The following GRM7 variants were observed in gnomAD, a reference collection of about 807,000 sequenced individuals.
The protein encoded by GRM7 is metabotropic glutamate receptor 7.
A neutral mutation model predicts 84.5 loss-of-function variants in GRM7; 35 were observed. The observed-to-expected ratio is 0.41, with a 90% CI of 0.32 to 0.55. The LOEUF (loss-of-function observed/expected upper bound fraction) is 0.55. GRM7 is among the 20% of genes least tolerant of loss of function. The pLI is 0.19. For synonymous variants in GRM7, 487 were observed against 455.1 expected (o/e 1.07, Z -0.89); for missense variants, 1,003 against 1,194.6 (o/e 0.84, Z 2.36).
chr3:6,967,043 TA>T lies in GRM7; in HGVS notation c.519+105137del, dbSNP rs1253504198. Among the ~76,000 whole-genome samples, 3 of 152,180 alleles carry T rather than the reference TA, an allele frequency of 2.0e-5. No homozygotes were observed. The East Asian group carries it at 5.8e-4, about 29-fold the overall frequency. ...TAGCACAGTGACTGCTGAAGTATTT[TA>T]TTGACTTTCAAACTCCTGGCCTCAA... is the stretch of plus-strand genomic sequence containing the variant. On this transcript the variant is annotated intron_variant, in intron 1 of 9. Coordinates refer to ENST00000357716, the MANE Select transcript of GRM7 (RefSeq NM_000844.4).
intron 7 of GRM7, chr3:7,561,394 C>T (rs561700026): frequency 5.6e-6 from 2 of 357,948 alleles, no homozygotes; most frequent in Admixed American, 3.1e-5. Context: ...TTTCTCATGT[C>T]TGTATTTTTA....
At chr3:7,385,867 A>G (rs1232438163) in intron 4 of GRM7, among the ~76,000 whole-genome samples, 1 of 152,214 alleles carries the variant, frequency 6.6e-6, no homozygotes. Context: ...GTATATTCGT[A>G]TCTTGAAAAC....
chr3:6,874,426 A>G (rs564650720), intron 1 of GRM7, among the ~76,000 whole-genome samples: 8 of 152,226 alleles, frequency 5.3e-5, no homozygotes, highest in African/African-American at 1.9e-4. Flanking sequence ...CATCAATACC[A>G]CCACTACCAC....
At chr3:6,958,498 G>C (rs1424340456) in intron 1 of GRM7, among the ~76,000 whole-genome samples, 2 of 152,112 alleles carry the variant, frequency 1.3e-5, no homozygotes, top group East Asian at 3.8e-4. Flanking sequence ...TTGTCTACAA[G>C]TATTTGTGTG....
intron 1 of GRM7, among the ~76,000 whole-genome samples, chr3:7,002,789 C>T (rs1322066973): frequency 6.6e-6 from 1 of 152,104 alleles, no homozygotes; most frequent in African/African-American, 2.4e-5. Context: ...TCTCCACTCC[C>T]ATGTTCATTT....
At chr3:7,462,700 A>T (rs1698300172) in intron 7 of GRM7, among the ~76,000 whole-genome samples, 1 of 152,098 alleles carries the variant, frequency 6.6e-6, no homozygotes, top group South Asian at 2.1e-4. Flanking sequence ...CCGTGAAGCC[A>T]CTACAGGCCA....
At chr3:7,724,051 G>A (rs1360370032) in intron 9 of GRM7, among the ~76,000 whole-genome samples, 1 of 152,096 alleles carries the variant, frequency 6.6e-6, no homozygotes, top group African/African-American at 2.4e-5. Flanking sequence ...CACGTCCACA[G>A]AGAATAGTGA....
Position 7,433,738 on chromosome 3 carries a change from T to C in GRM7, c.1174+18575T>C, listed in dbSNP as rs544913073. Among the ~76,000 whole-genome samples the C allele has an allele frequency of 7.2e-5, 11 of 152,274 alleles. 1 individual carries two copies. In the South Asian group the frequency reaches 1.5e-3, roughly 20 times the overall value. ...GCCAAATTCATTGACACAACTAAAA[T>C]ATATTCCCTAAGGAATGTTGAATAT... On this transcript the variant is annotated intron_variant, in intron 5 of 9. Transcript: ENST00000357716.
intron 2 of GRM7, among the ~76,000 whole-genome samples, chr3:7,293,944 G>T (rs1575130004): frequency 6.6e-6 from 1 of 152,160 alleles, no homozygotes; most frequent in African/African-American, 2.4e-5. Flanking sequence ...AAGAACTGAT[G>T]ATCAAAACAG....
chr3:7,396,365 C>T (rs1695212495), intron 4 of GRM7, among the ~76,000 whole-genome samples: 1 of 152,074 alleles, frequency 6.6e-6, no homozygotes, highest in African/African-American at 2.4e-5. Context: ...CCTTTAACTC[C>T]CTTCCTATTT....
At chr3:7,726,234 T>C (rs1702121465) in intron 9 of GRM7, among the ~76,000 whole-genome samples, 1 of 151,902 alleles carries the variant, frequency 6.6e-6, no homozygotes, top group Admixed American at 6.6e-5. Flanking sequence ...TTGCAGGAGC[T>C]CACAGGACAA....
intron 1 of GRM7, among the ~76,000 whole-genome samples, chr3:7,063,726 C>T (rs971117605): frequency 1.4e-4 from 7 of 49,666 alleles, no homozygotes; most frequent in Non-Finnish European, 2.0e-4. Flanking sequence ...TTGGGAGAGA[C>T]CCAAGGTCAC....
chr3:7,480,941 A>G (rs545703813), intron 7 of GRM7, among the ~76,000 whole-genome samples: 2 of 152,328 alleles, frequency 1.3e-5, no homozygotes, highest in South Asian at 2.1e-4. Flanking sequence ...AAAAGGAGAT[A>G]TTTAAAAATG....
At chr3:7,296,548 G>A (rs1390652689) in intron 2 of GRM7, among the ~76,000 whole-genome samples, 5 of 151,920 alleles carry the variant, frequency 3.3e-5, no homozygotes, top group East Asian at 3.9e-4. Context: ...GACCAATTTG[G>A]CATTTTTAAT....
chr3:7,558,673 T>C (rs914529798), intron 7 of GRM7, among the ~76,000 whole-genome samples: 1 of 152,166 alleles, frequency 6.6e-6, no homozygotes, highest in Non-Finnish European at 1.5e-5. Flanking sequence ...CTAAAAGTTA[T>C]TGACATAGTC....
chr3:7,367,530 TTTG>T (rs2125112950), intron 4 of GRM7, among the ~76,000 whole-genome samples: 1 of 152,060 alleles, frequency 6.6e-6, no homozygotes, highest in East Asian at 1.9e-4. Context: ...ATGAATATTA[TTTG>T]TTATTTCCCT....
At chr3:7,633,899 C>T (rs1360656422) in intron 8 of GRM7, among the ~76,000 whole-genome samples, 4 of 152,074 alleles carry the variant, frequency 2.6e-5, no homozygotes, top group African/African-American at 7.2e-5. Flanking sequence ...TAACCTTGAC[C>T]TTGGGGTGTA....
At chr3:7,193,564 T>C (rs1695784211) in intron 2 of GRM7, among the ~76,000 whole-genome samples, 1 of 152,062 alleles carries the variant, frequency 6.6e-6, no homozygotes, top group Non-Finnish European at 1.5e-5. Context: ...GGATAATAAA[T>C]AGTAATCATT....
At chr3:6,904,483 A>G (rs1435998422) in intron 1 of GRM7, among the ~76,000 whole-genome samples, 6 of 152,180 alleles carry the variant, frequency 3.9e-5, no homozygotes, top group Admixed American at 3.3e-4. Context: ...AGCAAGCTAT[A>G]TAAGACAGTG....
Sources: gnomAD v4.1 joint callset for allele counts (sites outside exome capture counted in the v4.1 genomes callset) on GRCh38, gnomAD v4.1.1 for gene constraint, MANE v1.5 for transcripts, NCBI Gene and HGNC (gene_info 2026-07-23, HGNC 2026-07-21) for gene names.